LRPPRC: variants seen among roughly 807,000 people sequenced by gnomAD.
LRPPRC encodes leucine rich pentatricopeptide repeat containing, also known as leucine-rich PPR motif-containing protein, mitochondrial.
A neutral mutation model predicts 180.3 loss-of-function variants in LRPPRC; 120 were observed. The observed-to-expected ratio is 0.67, with a 90% CI of 0.57 to 0.77. LRPPRC has a LOEUF of 0.77. LRPPRC is among the 30% of genes least tolerant of loss of function. The pLI, the probability that LRPPRC is intolerant of heterozygous loss-of-function variation, is 0.00. For missense variants in LRPPRC, 2,012 were observed against 1,657.2 expected, an observed-to-expected ratio of 1.21 and a Z score of -3.72; for synonymous variants, 723 against 600.0, an observed-to-expected ratio of 1.21 and a Z score of -3.00.
rs200593865 is a variant in LRPPRC at position 43,918,213 on chromosome 2, T to C, written c.3039+43A>G. ...AGTAGGCTAATCTATAACCTAATTA[T>C]ACTGACAACAAAATCTGTTACGATT... On this transcript the variant is annotated intron_variant, in intron 28 of 37. Coordinates refer to ENST00000260665, the MANE Select transcript of LRPPRC (RefSeq NM_133259.4). 3.7e-5 allele frequency: 60 copies of C among 1,605,936 alleles called. No homozygotes were observed. Among genetic ancestry groups the C allele is most frequent in the African/African-American group, 1.5e-4 (11 of 74,806 alleles).
intron 23 of LRPPRC, among the ~76,000 whole-genome samples, chr2:43,935,960 G>A (rs2105062790): frequency 6.6e-6 from 1 of 152,320 alleles, no homozygotes; most frequent in Non-Finnish European, 1.5e-5. Flanking sequence ...GCGCATGCCT[G>A]TAATCCCAGC....
chr2:43,945,178 A>G (rs1401594202), intron 22 of LRPPRC, among the ~76,000 whole-genome samples, 154 bp downstream of exon 22: 1 of 152,116 alleles, frequency 6.6e-6, no homozygotes, highest in African/African-American at 2.4e-5. Flanking sequence ...AATGGCCTAC[A>G]CTGTCCATGT....
chr2:43,968,134 C>G (rs1225642747), intron 11 of LRPPRC, among the ~76,000 whole-genome samples: 2 of 152,012 alleles, frequency 1.3e-5, no homozygotes, highest in Non-Finnish European at 2.9e-5. Flanking sequence ...AAAGACCCAG[C>G]TCTCCCCCTT....
chr2:43,991,031 TA>T (rs1278516911), intron 1 of LRPPRC, among the ~76,000 whole-genome samples: 4 of 135,886 alleles, frequency 2.9e-5, no homozygotes, highest in Admixed American at 7.3e-5. Context: ...TAGATACTTT[TA>T]TTTTTTTTTT....
chr2:43,923,177 T>TAA (rs9309110), intron 27 of LRPPRC, among the ~76,000 whole-genome samples: 20,897 of 130,394 alleles, frequency 0.16, 1,838 homozygotes, highest in Middle Eastern at 0.24. Context: ...TTTGTTTCTT[T>TAA]AAAAAAAAAA....
chr2:43,996,148 T>A (rs187222517), upstream of LRPPRC: 2 of 542,358 alleles, frequency 3.7e-6, no homozygotes, highest in Admixed American at 3.8e-5. Flanking sequence ...ACATAAACGA[T>A]GTTGCTTGAT....
intron 30 of LRPPRC, among the ~76,000 whole-genome samples, chr2:43,908,123 G>A (rs1006697353): frequency 6.6e-6 from 1 of 152,128 alleles, no homozygotes; most frequent in African/African-American, 2.4e-5. Context: ...AATGATACAG[G>A]AAGCCAAGAG....
At chr2:43,920,401 G>A (rs1671657290) in intron 27 of LRPPRC, among the ~76,000 whole-genome samples, 1 of 152,162 alleles carries the variant, frequency 6.6e-6, no homozygotes, top group Non-Finnish European at 1.5e-5. Flanking sequence ...CTCCCAAAGT[G>A]CTGGGATTAT....
rs773339218 is a variant in LRPPRC at position 43,975,101 on chromosome 2, T to C, written c.854A>G (p.His285Arg). The part of the protein sequence containing the change: ...NAYAEKGDID[H>R]VKQTLEKVEK... ...AGACATAAGTCATACCTGCTTAACATGGTCAATGTCGCCCTTCTCAGCATA... is the reference window on the plus strand; with the variant it reads ...AGACATAAGTCATACCTGCTTAACACGGTCAATGTCGCCCTTCTCAGCATA... Residue 285 changes from histidine (H) to arginine (R), a missense_variant, in exon 7 of 38, where the codon CAT becomes CGT. By Grantham distance (29) the His-to-Arg change is conservative (BLOSUM62 0). Coordinates refer to ENST00000260665, the MANE Select transcript of LRPPRC (RefSeq NM_133259.4). 1.7e-5 allele frequency: 28 copies of C among 1,613,016 alleles called. No individual in the cohort carries two copies. The highest frequency in any genetic ancestry group is 2.2e-5 in the South Asian group (2 of 91,084).
rs1461892363 is a variant in LRPPRC, at chr2:43,899,546, A to C, written c.3629T>G (p.Val1210Gly). Residue 1210 changes from valine (V) to glycine (G), a missense_variant, in exon 33 of 38, where the codon GTC becomes GGC. By Grantham distance (109) the Val-to-Gly change is moderately radical. Coordinates refer to ENST00000260665, the MANE Select transcript of LRPPRC (RefSeq NM_133259.4). ...IENMLTSENK[V>G]IEPQYFGLAY... ...CAAGCCGAAGTATTGGGGTTCAATG[A>C]CTTTATTCTCTGAAGTAAGCATATT... 4.3e-6 allele frequency: 7 copies of C among 1,611,698 alleles called. No individual in the cohort carries two copies. The Admixed American group carries it at 1.0e-4, about 23-fold the overall frequency.
intron 30 of LRPPRC, 112 bp downstream of exon 30, chr2:43,912,320 T>C (rs1470538820): frequency 1.1e-6 from 1 of 927,964 alleles, no homozygotes; most frequent in Non-Finnish European, 1.7e-6. Context: ...TATGGGTAGC[T>C]GAGGCCAATC....
chr2:43,984,432 T>G (rs1009103256), intron 1 of LRPPRC, among the ~76,000 whole-genome samples: 1 of 152,214 alleles, frequency 6.6e-6, no homozygotes, highest in Non-Finnish European at 1.5e-5. Context: ...TAGCACATTG[T>G]TCTGAATATT....
intron 11 of LRPPRC, among the ~76,000 whole-genome samples, chr2:43,971,505 GA>G (rs1381494978): frequency 6.8e-4 from 52 of 76,508 alleles, no homozygotes; most frequent in African/African-American, 2.3e-3. Context: ...AAAAAAAAAA[GA>G]AAAAAATATA....
chr2:43,979,763 T>G, intron 3 of LRPPRC, 63 bp downstream of exon 3: 2 of 1,488,526 alleles, frequency 1.3e-6, no homozygotes, highest in Non-Finnish European at 1.9e-6. Context: ...AAACAAACAC[T>G]TTTTTGCAAA....
intron 34 of LRPPRC, 69 bp downstream of exon 34, chr2:43,899,150 T>C: frequency 2.0e-6 from 2 of 1,012,304 alleles, no homozygotes; most frequent in Admixed American, 1.8e-5. Context: ...CACGCCTATG[T>C]CTAGTAATTT....
intron 30 of LRPPRC, among the ~76,000 whole-genome samples, chr2:43,908,846 T>C (rs1671154925): frequency 1.3e-5 from 2 of 152,196 alleles, no homozygotes; most frequent in Non-Finnish European, 2.9e-5. Flanking sequence ...AAACTATGGC[T>C]CTCAAGGTTG....
chr2:43,890,076 G>A (rs1670431946), intron 36 of LRPPRC, 200 bp from the exon 37 acceptor site: 1 of 606,464 alleles, frequency 1.6e-6, no homozygotes, highest in Non-Finnish European at 3.0e-6. Flanking sequence ...CACTCACTTT[G>A]AAGGAGAAGA....
In LRPPRC at chr2:43,889,799, A is replaced by T; in HGVS notation, c.4063T>A (p.Phe1355Ile). The change falls in exon 37 of 38, where the codon TTT (phenylalanine) becomes ATT (isoleucine). Residue 1355 changes from phenylalanine to isoleucine, a missense_variant. Transcript: ENST00000260665. The stretch of plus-strand genomic sequence containing the variant: ...AGCAAAGATGCGTAACGCTTTAGAA[A>T]CAGATCATCCAATTTTGTATTCTTT... ...TAKNTKLDDL[F>I]LKRYASLLKY... The T allele has an allele frequency of 1.2e-6, 2 of 1,611,152 alleles. No individual in the cohort carries two copies. The highest frequency in any genetic ancestry group is 8.5e-7 in the Non-Finnish European group (1 of 1,177,208).
intron 14 of LRPPRC, among the ~76,000 whole-genome samples, chr2:43,952,528 T>G (rs1328888143): frequency 1.3e-5 from 2 of 152,208 alleles, no homozygotes; most frequent in Non-Finnish European, 2.9e-5. Flanking sequence ...CTAACATTTT[T>G]TTGGTCCTCT....
Sources: gnomAD v4.1 joint callset for allele counts (sites outside exome capture counted in the v4.1 genomes callset) on GRCh38, gnomAD v4.1.1 for gene constraint, MANE v1.5 for transcripts, NCBI Gene and HGNC (gene_info 2026-07-23, HGNC 2026-07-21) for gene names.